Variants in MYH4 observed in about 807,000 individuals in gnomAD.
MYH4 encodes myosin heavy chain 4, also known as myosin-4.
In MYH4, 200 loss-of-function variants were observed where a neutral mutation model predicts 229.9. The ratio of observed to expected loss-of-function variants is 0.87; its 90% CI spans 0.78 to 0.98. The LOEUF is 0.98. Among genes scored for constraint, MYH4 ranks in the 50% least tolerant of loss-of-function variants. The pLI, the probability that MYH4 is intolerant of heterozygous loss-of-function variation, is 0.00. For synonymous variants in MYH4, 761 were observed against 834.6 expected (o/e 0.91, Z 1.52); for missense variants, 2,148 against 2,332.6 (o/e 0.92, Z 1.63).
chr17:10,448,868 T>C lies in MYH4; in HGVS notation c.4361A>G (p.Asp1454Gly). 6.2e-7 allele frequency: 1 copy of C among 1,614,022 alleles called. No homozygotes were observed. The highest frequency in any genetic ancestry group is 8.5e-7 in the Non-Finnish European group (1 of 1,179,962). Residue 1454 changes from aspartate (D) to glycine (G), a missense_variant, in exon 31 of 40, where the codon GAC becomes GGC. Transcript: ENST00000255381. ...IALDKKQRNF[D>G]KVLAEWKQKY... Reference sequence around the variant, plus strand: ...GGAGCTGGTACTGTGGACCACCTTGTCAAAGTTTCTTTGCTTCTTATCGAG... The same window carrying C: ...GGAGCTGGTACTGTGGACCACCTTGCCAAAGTTTCTTTGCTTCTTATCGAG...
At chr17:10,461,591 A>AT (rs2072703105) in intron 11 of MYH4, among the ~76,000 whole-genome samples, 1 of 152,118 alleles carries the variant, frequency 6.6e-6, no homozygotes, top group Non-Finnish European at 1.5e-5. Context: ...CTTTCTCCAC[A>AT]TGCCTCTCTG....
intron 15 of MYH4, 35 bp downstream of exon 15, chr17:10,459,216 T>A (rs1180425585): frequency 6.2e-7 from 1 of 1,613,860 alleles, no homozygotes; most frequent in Admixed American, 1.7e-5. Flanking sequence ...GCAATTTGGT[T>A]TTCATGTTTT....
chr17:10,443,567 A>G lies in MYH4; in HGVS notation c.5668-40T>C. The G allele has an allele frequency of 1.9e-6, 3 of 1,578,734 alleles. No individual in the cohort carries two copies. The South Asian group carries it at 3.4e-5, about 18-fold the overall frequency. On this transcript the variant is annotated intron_variant, in intron 39 of 39. Coordinates refer to ENST00000255381, the MANE Select transcript of MYH4 (RefSeq NM_017533.2). The surrounding 1 kb of genome is among the most constrained non-coding windows in gnomAD (Gnocchi z 4.6). ...GCATTTGAGATAACAAGAAAATTGGACATTTCCTGATTGTTATTGCTTTTG... is the reference window on the plus strand; with the variant it reads ...GCATTTGAGATAACAAGAAAATTGGGCATTTCCTGATTGTTATTGCTTTTG...
chr17:10,443,397 G>A lies in MYH4; in HGVS notation c.5798C>T (p.Thr1933Ile). The part of the protein sequence containing the change: ...KLRVKSREVH[T>I]KVISEE ...GAATTACTCTTCACTTATGACTTTT[G>A]TGTGAACCTCCCGACTCTTCACTCT... Residue 1933 changes from threonine (T) to isoleucine (I), a missense_variant, in exon 40 of 40, where the codon ACA (threonine) becomes ATA (isoleucine). Thr to Ile is a moderately conservative substitution (Grantham distance 89). Transcript: ENST00000255381. The surrounding 1 kb of genome is among the most constrained non-coding windows in gnomAD (Gnocchi z 4.6). 1.9e-6 allele frequency: 3 copies of A among 1,613,882 alleles called. No individual in the cohort carries two copies. Among genetic ancestry groups the A allele is most frequent in the African/African-American group, 2.7e-5 (2 of 74,978 alleles).
rs750395177 is a variant in MYH4 at position 10,448,704 on chromosome 17, C to G, written c.4445G>C (p.Ser1482Thr). 48 of 1,614,040 alleles carry G rather than the reference C, an allele frequency of 3.0e-5. No individual in the cohort carries two copies. Among genetic ancestry groups the G allele is most frequent in the Non-Finnish European group, 3.8e-5 (45 of 1,180,032 alleles). The change falls in exon 32 of 40, where the codon AGC becomes ACC. Residue 1482 changes from serine (S) to threonine (T), a missense_variant. Ser to Thr is a moderately conservative substitution (Grantham distance 58). Coordinates refer to ENST00000255381, the MANE Select transcript of MYH4 (RefSeq NM_017533.2). ...ATTCTTCACCTTGAACAGCTCAGTG[C>G]TGAGAGAACGCGACTCCTTCTGGGA... ...EASQKESRSL[S>T]TELFKVKNAY... is the part of the protein sequence containing the mutation.
At chr17:10,452,580 T>A in intron 25 of MYH4, 74 bp from the exon 26 acceptor site, 1 of 1,434,132 alleles carries the variant, frequency 7.0e-7, no homozygotes, top group South Asian at 1.2e-5. Context: ...AATCTAAGAC[T>A]TTTTTTATAC....
In MYH4 at chr17:10,448,369, G is replaced by T. The variant is rs755260844; in HGVS notation, c.4656+27C>A. ...TATTAATTTTCAATTTATTTATAATGCAGAGCTAAGCAAATGAAAAATGTA... is the reference window on the plus strand; with the variant it reads ...TATTAATTTTCAATTTATTTATAATTCAGAGCTAAGCAAATGAAAAATGTA... On this transcript the variant is annotated intron_variant, in intron 33 of 39. Transcript: ENST00000255381. 2.5e-6 allele frequency: 4 copies of T among 1,597,278 alleles called. No individual in the cohort carries two copies. The Admixed American group carries it at 5.3e-5, about 21-fold the overall frequency.
chr17:10,453,775 T>A lies in MYH4; in HGVS notation c.2802A>T (p.Glu934Asp), dbSNP rs752096405. The A allele has an allele frequency of 5.6e-6, 9 of 1,613,970 alleles. No homozygotes were observed. Among genetic ancestry groups the A allele is most frequent in the Non-Finnish European group, 7.6e-6 (9 of 1,179,994 alleles). The change falls in exon 23 of 40, where the codon GAA becomes GAT. Residue 934 changes from glutamate to aspartate, a missense_variant. Physicochemically the swap from Glu to Asp is conservative, Grantham distance 45. Coordinates refer to ENST00000255381, the MANE Select transcript of MYH4 (RefSeq NM_017533.2). ...KEVTERAEDE[E>D]EINAELTAKK... ...TGGCTGTCAGCTCAGCATTGATCTC[T>A]TCCTCATCCTCAGCTCTTTCAGTTA...
Position 10,448,479 on chromosome 17 carries a change from T to C in MYH4, c.4573A>G (p.Lys1525Glu), listed in dbSNP as rs528863275. 9.3e-6 allele frequency: 15 copies of C among 1,614,044 alleles called. No individual in the cohort carries two copies. The Admixed American group carries it at 1.3e-4, about 14-fold the overall frequency. ...ACTTTCTCCAGTTCATGGATATGCT[T>C]TCCACCCTCTGCAATTTGCTCTGTC... is the stretch of plus-strand genomic sequence containing the variant. ...DLTEQIAEGG[K>E]HIHELEKVKK... is the part of the protein sequence containing the mutation. The change falls in exon 33 of 40, where the codon AAG becomes GAG. Residue 1525 changes from lysine to glutamate, a missense_variant. Coordinates refer to ENST00000255381, the MANE Select transcript of MYH4 (RefSeq NM_017533.2).
At chr17:10,453,614 A>G (rs1345016001) in intron 23 of MYH4, 29 bp downstream of exon 23, 2 of 1,613,918 alleles carry the variant, frequency 1.2e-6, no homozygotes, top group Non-Finnish European at 8.5e-7. Flanking sequence ...GGTGCTTATA[A>G]ATATTCTAAA....
At position 10,448,897 on chromosome 17, in the gene MYH4, T is replaced by C; in HGVS notation, c.4332A>G (p.Ile1444Met). 1 of 1,614,184 alleles carries C rather than the reference T, an allele frequency of 6.2e-7. No homozygotes were observed. The highest frequency in any genetic ancestry group is 8.5e-7 in the Non-Finnish European group (1 of 1,180,014). ...AGTTTCTTTGCTTCTTATCGAGAGC[T>C]ATGCAGGCAGCATTAGATCGTTCCA... ...IDVERSNAACIALDKKQRNFD... is the reference protein window; with the variant it reads ...IDVERSNAACMALDKKQRNFD... Residue 1444 changes from isoleucine (I) to methionine (M), a missense_variant, in exon 31 of 40, where the codon ATA becomes ATG. Physicochemically the swap from Ile to Met is conservative, Grantham distance 10. Coordinates refer to ENST00000255381, the MANE Select transcript of MYH4 (RefSeq NM_017533.2).
Position 10,452,042 on chromosome 17 carries a change from T to C in MYH4, c.3637A>G (p.Ser1213Gly), listed in dbSNP as rs1306629267. Residue 1213 changes from serine to glycine, a missense_variant, in exon 27 of 40, where the codon AGC becomes GGC. Physicochemically the swap from Ser to Gly is moderately conservative, Grantham distance 56. Coordinates refer to ENST00000255381, the MANE Select transcript of MYH4 (RefSeq NM_017533.2). ...AGCTTCTGCTTGACCCGCTGAAGGCTGTCAATCTGCTCCCCAAGCTCAGCC... is the reference window on the plus strand; with the variant it reads ...AGCTTCTGCTTGACCCGCTGAAGGCCGTCAATCTGCTCCCCAAGCTCAGCC... Reference protein sequence around the residue: ...SVAELGEQIDSLQRVKQKLEK... With the variant: ...SVAELGEQIDGLQRVKQKLEK... The C allele has an allele frequency of 4.3e-6, 7 of 1,613,790 alleles. No individual in the cohort carries two copies. The East Asian group carries it at 1.6e-4, about 36-fold the overall frequency.
In MYH4 at chr17:10,444,670, C is replaced by T; in HGVS notation, c.5601G>A (p.Arg1867=). Residue 1867 remains arginine, a synonymous_variant, in exon 39 of 40, where the codon AGG becomes AGA. Coordinates refer to ENST00000255381, the MANE Select transcript of MYH4 (RefSeq NM_017533.2). ...GCAATTTGTCCACCAAGTCCTGCAG[C>T]CTGAGAATATTCTTGCGGTCCTCCT... is the stretch of plus-strand genomic sequence containing the variant. ...QTEEDRKNIL[R]LQDLVDKLQT... 6.2e-7 allele frequency: 1 copy of T among 1,613,952 alleles called. No homozygotes were observed. Among genetic ancestry groups the T allele is most frequent in the Non-Finnish European group, 8.5e-7 (1 of 1,179,986 alleles).
intron 14 of MYH4, among the ~76,000 whole-genome samples, 171 bp from the exon 15 acceptor site, chr17:10,459,592 C>A (rs1312793235): frequency 6.6e-6 from 1 of 152,070 alleles, no homozygotes; most frequent in Non-Finnish European, 1.5e-5. Flanking sequence ...TCTTTGAATA[C>A]TTATTTTCCA....
Position 10,451,385 on chromosome 17 carries a change from T to A in MYH4, c.3806A>T (p.Glu1269Val). ...QLSEIKTKEE[E>V]QQRLINELSA... is the part of the protein sequence containing the mutation. ...CAACTCATTTATTAAGCGTTGTTGC[T>A]CTTCTTCCTTTGTTTTTATTTCACT... The change falls in exon 28 of 40, where the codon GAG (glutamate) becomes GTG (valine). Residue 1269 changes from glutamate (E) to valine (V), a missense_variant. Coordinates refer to ENST00000255381, the MANE Select transcript of MYH4 (RefSeq NM_017533.2). 6.2e-7 allele frequency: 1 copy of A among 1,614,092 alleles called. No individual in the cohort carries two copies. Among genetic ancestry groups the A allele is most frequent in the Non-Finnish European group, 8.5e-7 (1 of 1,179,992 alleles).
rs530413180 is a variant in MYH4, at chr17:10,464,668, G to T, written c.533+13C>A. On this transcript the variant is annotated intron_variant, in intron 6 of 39. Coordinates refer to ENST00000255381, the MANE Select transcript of MYH4 (RefSeq NM_017533.2). Reference sequence around the variant, plus strand: ...ATGATCAAAACAGAAAGAAAGTAACGAAATCTACATACGTAATCAAGATTG... The same window carrying T: ...ATGATCAAAACAGAAAGAAAGTAACTAAATCTACATACGTAATCAAGATTG... 1 of 1,613,598 alleles carries T rather than the reference G, an allele frequency of 6.2e-7. No homozygotes were observed. The highest frequency in any genetic ancestry group is 8.5e-7 in the Non-Finnish European group (1 of 1,179,576).
intron 35 of MYH4, among the ~76,000 whole-genome samples, chr17:10,445,648 C>G (rs2072503903): frequency 6.6e-6 from 1 of 152,078 alleles, no homozygotes; most frequent in Admixed American, 6.5e-5. Context: ...TACCATGGAG[C>G]ACCACACCAC....
At position 10,454,991 on chromosome 17, in the gene MYH4, T is replaced by C. The variant is rs1291084222; in HGVS notation, c.2385A>G (p.Ile795Met). 1.2e-6 allele frequency: 2 copies of C among 1,614,068 alleles called. No individual in the cohort carries two copies. Among genetic ancestry groups the C allele is most frequent in the African/African-American group, 1.3e-5 (1 of 74,920 alleles). The change falls in exon 21 of 40, where the codon ATA becomes ATG. Residue 795 changes from isoleucine to methionine, a missense_variant. Transcript: ENST00000255381. ...CCACTCTCATCAGGAACCCTCTGCATATGGCTTGAGTGCGCGTGATGAGTT... is the reference window on the plus strand; with the variant it reads ...CCACTCTCATCAGGAACCCTCTGCACATGGCTTGAGTGCGCGTGATGAGTT... ...LAQLITRTQA[I>M]CRGFLMRVEF...
chr17:10,450,503 G>T lies in MYH4; in HGVS notation c.4131C>A (p.Thr1377=), dbSNP rs367557852. The change falls in exon 30 of 40, where the codon ACC becomes ACA. Residue 1377 remains threonine, a synonymous_variant. Transcript: ENST00000255381. The part of the protein sequence containing the change: ...KANSEVAQWR[T]KYETDAIQRT... ...GCTGGATGGCGTCCGTCTCGTACTT[G>T]GTCCTCCACTGGGCAACCTCACTGT... 62 of 1,614,042 alleles carry T rather than the reference G, an allele frequency of 3.8e-5. No individual in the cohort carries two copies. In the African/African-American group the frequency reaches 7.7e-4, roughly 20 times the overall value.
Sources: gnomAD v4.1 joint callset for allele counts (sites outside exome capture counted in the v4.1 genomes callset) on GRCh38, gnomAD v4.1.1 for gene constraint, Gnocchi (gnomAD v3.1) non-coding constraint, MANE v1.5 for transcripts, NCBI Gene and HGNC (gene_info 2026-07-23, HGNC 2026-07-21) for gene names.